Variants in CERT1 observed in about 807,000 individuals in gnomAD.
CERT1 encodes the protein ceramide transfer protein.
A neutral mutation model predicts 87.9 loss-of-function variants in CERT1; 31 were observed. The observed-to-expected ratio is 0.35, with a 90% CI of 0.27 to 0.48. The LOEUF (loss-of-function observed/expected upper bound fraction) is 0.48, where lower values mean the gene tolerates loss of function less well. CERT1 is among the 20% of genes least tolerant of loss of function. The pLI is 0.99. For synonymous variants in CERT1, 289 were observed against 250.9 expected (o/e 1.15, Z -1.44); for missense variants, 487 against 758.0 (o/e 0.64, Z 4.20).
chr5:75,450,939 G>A (rs993743164), intron 3 of CERT1, among the ~76,000 whole-genome samples: 1 of 152,188 alleles, frequency 6.6e-6, no homozygotes, highest in African/African-American at 2.4e-5. Context: ...CTAGGGCTGT[G>A]TCATGGGTCA....
At chr5:75,412,630 C>A (rs1323464681) in intron 7 of CERT1, among the ~76,000 whole-genome samples, 1 of 152,148 alleles carries the variant, frequency 6.6e-6, no homozygotes, top group Non-Finnish European at 1.5e-5. Flanking sequence ...TAAACATTTA[C>A]AACATATGAC....
intron 12 of CERT1, among the ~76,000 whole-genome samples, chr5:75,387,011 G>A (rs1333130121): frequency 2.6e-5 from 4 of 152,124 alleles, no homozygotes; most frequent in African/African-American, 9.7e-5. Flanking sequence ...GGGATTACAG[G>A]CGCCTGCCAC....
intron 2 of CERT1, among the ~76,000 whole-genome samples, chr5:75,477,660 A>AC (rs903176433): frequency 1.3e-5 from 2 of 150,160 alleles, no homozygotes; most frequent in African/African-American, 4.9e-5. Context: ...AAAAAAAAAA[A>AC]AAAAAAAAAC....
intron 12 of CERT1, among the ~76,000 whole-genome samples, chr5:75,386,786 C>T (rs10038689): frequency 0.011 from 1,640 of 152,202 alleles, 17 homozygotes; most frequent in East Asian, 0.022. Context: ...TTGGGACCAC[C>T]GTTTTCCCAG....
At chr5:75,484,715 C>T (rs541529707) in intron 2 of CERT1, among the ~76,000 whole-genome samples, 3 of 151,742 alleles carry the variant, frequency 2.0e-5, no homozygotes, top group South Asian at 2.1e-4. Flanking sequence ...AACACTAGAC[C>T]ACCCAGATAT....
At chr5:75,501,139 G>A (rs1372287371) in intron 2 of CERT1, among the ~76,000 whole-genome samples, 2 of 152,028 alleles carry the variant, frequency 1.3e-5, no homozygotes, top group Admixed American at 6.6e-5. Context: ...GTACCACCAC[G>A]CCAAGCTGAT....
In CERT1 at chr5:75,473,086, G is replaced by T. The variant is rs567826583; in HGVS notation, c.232-13905C>A. 2.0e-5 allele frequency among the ~76,000 whole-genome samples: 3 copies of T among 152,098 alleles called. No individual in the cohort carries two copies. In the South Asian group the frequency reaches 6.2e-4, roughly 32 times the overall value. ...TGGAATACTACGCAGCCATTTTTTT[G>T]TTGTTTTTTTAAGACACAGGGTCTT... On this transcript the variant is annotated intron_variant, in intron 2 of 16. Coordinates refer to ENST00000643780, the MANE Select transcript of CERT1 (RefSeq NM_001379029.1).
At chr5:75,464,359 G>A (rs185581911) in intron 2 of CERT1, among the ~76,000 whole-genome samples, 12 of 151,800 alleles carry the variant, frequency 7.9e-5, no homozygotes, top group South Asian at 4.2e-4. Flanking sequence ...CTCACCTACC[G>A]CATAGTAACA....
intron 2 of CERT1, 43 bp from the exon 3 acceptor site, chr5:75,459,224 T>A (rs1407731666): frequency 1.1e-5 from 13 of 1,235,280 alleles, no homozygotes; most frequent in East Asian, 2.3e-5. Context: ...GCTAATTATA[T>A]CCTTAGAAGT....
intron 5 of CERT1, among the ~76,000 whole-genome samples, chr5:75,420,105 TAGCTGGGACTAC>T (rs1312094604): frequency 6.6e-6 from 1 of 151,708 alleles, no homozygotes; most frequent in Admixed American, 6.6e-5. Flanking sequence ...GCCTCCCAAG[TAGCTGGGACTAC>T]AGGTGCGTGC....
At chr5:75,509,800 T>C (rs1199756252) in intron 1 of CERT1, among the ~76,000 whole-genome samples, 4 of 152,196 alleles carry the variant, frequency 2.6e-5, no homozygotes, top group Non-Finnish European at 5.9e-5. Context: ...ACTGAAAATG[T>C]ATACCTACTA....
At chr5:75,470,637 C>T (rs1765666769) in intron 2 of CERT1, among the ~76,000 whole-genome samples, 1 of 152,106 alleles carries the variant, frequency 6.6e-6, no homozygotes, top group Admixed American at 6.5e-5. Context: ...AGGCCATATG[C>T]AACAACTCAC....
chr5:75,437,886 T>C (rs1764162971), intron 3 of CERT1, among the ~76,000 whole-genome samples: 1 of 151,546 alleles, frequency 6.6e-6, no homozygotes, highest in Non-Finnish European at 1.5e-5. Flanking sequence ...ACTACAAATA[T>C]AAAAATTTTG....
At position 75,495,432 on chromosome 5, in the gene CERT1, C is replaced by T. The variant is rs144135788; in HGVS notation, c.231+10550G>A. Among the ~76,000 whole-genome samples the T allele has an allele frequency of 6.0e-3, 911 of 152,200 alleles. 11 individuals carry two copies. Among genetic ancestry groups the T allele is most frequent in the African/African-American group, 0.02 (843 of 41,498 alleles). Reference sequence around the variant, plus strand: ...AATTAGCCAGGCATGGTGGCGCATGCCTGTAGTCTCAGCTACTCGGGGGGC... The same window carrying T: ...AATTAGCCAGGCATGGTGGCGCATGTCTGTAGTCTCAGCTACTCGGGGGGC... On this transcript the variant is annotated intron_variant, in intron 2 of 16. Coordinates refer to ENST00000643780, the MANE Select transcript of CERT1 (RefSeq NM_001379029.1).
intron 2 of CERT1, among the ~76,000 whole-genome samples, chr5:75,476,024 T>C (rs2112370994): frequency 6.6e-6 from 1 of 152,272 alleles, no homozygotes; most frequent in Middle Eastern, 3.4e-3. Context: ...AAAAACCTAT[T>C]TTTTATTCAA....
chr5:75,435,451 A>G (rs1425914212), intron 3 of CERT1, among the ~76,000 whole-genome samples: 1 of 152,194 alleles, frequency 6.6e-6, no homozygotes, highest in Non-Finnish European at 1.5e-5. Context: ...TCTGCTTCAG[A>G]GCCATTGCTG....
chr5:75,370,023 T>C (rs1329433881), intron 17 of CERT1: 1 of 152,222 alleles, frequency 6.6e-6, no homozygotes, highest in Non-Finnish European at 1.5e-5. Flanking sequence ...TAGTTAGAAC[T>C]ACACCTTATT....
rs534208862 is a variant in CERT1, at chr5:75,461,766, G to C, written c.232-2585C>G. Reference sequence around the variant, plus strand: ...GGCACAGAAGAGAAAAGCATGAATTGTAAGTGGTATAGAAAGTCTGTGAAT... The same window carrying C: ...GGCACAGAAGAGAAAAGCATGAATTCTAAGTGGTATAGAAAGTCTGTGAAT... On this transcript the variant is annotated intron_variant, in intron 2 of 16. Transcript: ENST00000643780. Among the ~76,000 whole-genome samples the C allele has an allele frequency of 5.5e-5, 8 of 146,338 alleles. No homozygotes were observed. In the East Asian group the frequency reaches 1.5e-3, roughly 28 times the overall value.
intron 3 of CERT1, among the ~76,000 whole-genome samples, chr5:75,447,276 T>C (rs891871400): frequency 4.6e-5 from 7 of 152,104 alleles, no homozygotes; most frequent in African/African-American, 1.7e-4. Flanking sequence ...GTAATTGTTG[T>C]CTAGGTGGGG....
Sources: allele counts gnomAD v4.1 joint callset (sites outside exome capture counted in the v4.1 genomes callset), GRCh38; gene constraint gnomAD v4.1.1; transcripts MANE v1.5; gene names NCBI Gene and HGNC (gene_info 2026-07-23, HGNC 2026-07-21).